Variants in SLC25A26 observed in about 807,000 individuals in gnomAD.
The protein encoded by SLC25A26 is mitochondrial S-adenosylmethionine carrier protein.
In SLC25A26, 36 loss-of-function variants were observed where a neutral mutation model predicts 37.8. That is an observed-to-expected ratio of 0.95 (90% confidence interval 0.73 to 1.26). SLC25A26 has a LOEUF of 1.26. SLC25A26 is among the 50% of genes most tolerant of loss of function. The probability of loss-of-function intolerance (pLI) is 0.00; values close to 1 mark genes in which losing one functional copy is unlikely to be tolerated. For synonymous variants in SLC25A26, 129 were observed against 122.5 expected (o/e 1.05, Z -0.35); for missense variants, 390 against 331.1 (o/e 1.18, Z -1.38).
At chr3:66,156,560 G>A (rs1387587550) in intron 1 of SLC25A26, among the ~76,000 whole-genome samples, 2 of 152,184 alleles carry the variant, frequency 1.3e-5, no homozygotes, top group African/African-American at 4.8e-5. Context: ...TGCTTATAAA[G>A]AAGGGCATAA....
At chr3:66,321,506 T>C (rs1418739285) in intron 5 of SLC25A26, among the ~76,000 whole-genome samples, 1 of 152,144 alleles carries the variant, frequency 6.6e-6, no homozygotes, top group Non-Finnish European at 1.5e-5. Context: ...TGTATCTCTT[T>C]TACTTCTTTA....
intron 5 of SLC25A26, among the ~76,000 whole-genome samples, chr3:66,333,914 T>C (rs946822789): frequency 6.6e-6 from 1 of 152,232 alleles, no homozygotes; most frequent in African/African-American, 2.4e-5. Context: ...TCCATTTAGC[T>C]GTCTGCAGGT....
At chr3:66,163,759 T>C (rs1222309743) in intron 1 of SLC25A26, among the ~76,000 whole-genome samples, 1 of 152,218 alleles carries the variant, frequency 6.6e-6, no homozygotes, top group African/African-American at 2.4e-5. Flanking sequence ...CAAAGTCTGA[T>C]TGAGCCCCAA....
intron 1 of SLC25A26, among the ~76,000 whole-genome samples, chr3:66,146,856 C>G (rs1436665908): frequency 6.6e-6 from 1 of 152,066 alleles, no homozygotes; most frequent in Non-Finnish European, 1.5e-5. Flanking sequence ...CCACTATAGT[C>G]CATTACATCA....
Position 66,209,741 on chromosome 3 carries a change from G to GAT in SLC25A26, c.-353-10991_-353-10990dup, listed in dbSNP as rs1411695104. Among the ~76,000 whole-genome samples the GAT allele has an allele frequency of 4.1e-3, 528 of 129,770 alleles. 4 individuals are homozygous for GAT. The highest frequency in any genetic ancestry group is 0.014 in the African/African-American group (501 of 35,812). The allele number at this position is 129,770 out of a possible 152,430, so 85.1% of individuals were successfully genotyped here. On this transcript the variant is annotated intron_variant, in intron 1 of 10. Coordinates refer to the SLC25A26 transcript ENST00000676754. ...TATTTTATAGGTATATATTGGTATG[G>GAT]ATATATATATACAACTTTTATAGGT...
rs143469771 is a variant in SLC25A26, at chr3:66,308,733, G to A, written c.454-37631G>A. On this transcript the variant is annotated intron_variant, in intron 5 of 9. Transcript: ENST00000354883. ...GTTTATTGGGTGTTTTTAGCATGAA[G>A]GGGTGGTTAGCATGAAGGTGAATTT... is the stretch of plus-strand genomic sequence containing the variant. Among the ~76,000 whole-genome samples the A allele has an allele frequency of 4.9e-3, 742 of 152,228 alleles. 11 individuals are homozygous for A. Among genetic ancestry groups the A allele is most frequent in the African/African-American group, 0.013 (544 of 41,550 alleles).
intron 1 of SLC25A26, among the ~76,000 whole-genome samples, chr3:66,165,940 C>A (rs1354772330): frequency 6.6e-6 from 1 of 151,700 alleles, no homozygotes; most frequent in Non-Finnish European, 1.5e-5. Flanking sequence ...TCCCCACCAC[C>A]CCCATCCCAA....
At chr3:66,364,948 G>T (rs1341024631) in intron 7 of SLC25A26, among the ~76,000 whole-genome samples, 3 of 152,164 alleles carry the variant, frequency 2.0e-5, no homozygotes, top group African/African-American at 7.2e-5. Flanking sequence ...AAGATAAATA[G>T]ATTGCTTATT....
intron 2 of SLC25A26, among the ~76,000 whole-genome samples, chr3:66,239,589 C>T (rs2072469554): frequency 6.6e-6 from 1 of 152,204 alleles, no homozygotes. Flanking sequence ...GCATTAACTT[C>T]TTCAGCTTTA....
chr3:66,227,325 C>T (rs2071804310), intron 1 of SLC25A26, among the ~76,000 whole-genome samples: 1 of 152,148 alleles, frequency 6.6e-6, no homozygotes, highest in Non-Finnish European at 1.5e-5. Flanking sequence ...TTTTGTTTAA[C>T]TTTGTGTTAC....
chr3:66,363,599 A>C (rs193134322), intron 7 of SLC25A26, among the ~76,000 whole-genome samples: 43 of 152,330 alleles, frequency 2.8e-4, no homozygotes, highest in African/African-American at 9.6e-4. Flanking sequence ...AAAGCCTAAG[A>C]GAGAAGTATA....
intron 1 of SLC25A26, among the ~76,000 whole-genome samples, chr3:66,226,034 A>G (rs1487843929): frequency 6.6e-6 from 1 of 152,116 alleles, no homozygotes; most frequent in African/African-American, 2.4e-5. Context: ...CTTGTTACCC[A>G]TTCTGAAGTC....
At chr3:66,333,490 T>G (rs952785276) in intron 5 of SLC25A26, among the ~76,000 whole-genome samples, 3 of 152,228 alleles carry the variant, frequency 2.0e-5, no homozygotes, top group African/African-American at 4.8e-5. Flanking sequence ...TCTGCTGTAG[T>G]TAAATCTCCC....
At chr3:66,208,974 G>GTATATATA (rs1553655988) in intron 1 of SLC25A26, among the ~76,000 whole-genome samples, 2 of 83,130 alleles carry the variant, frequency 2.4e-5, no homozygotes, top group African/African-American at 1.1e-4. Context: ...ATAAAGGTGT[G>GTATATATA]TATATATATA....
At chr3:66,242,028 G>A (rs961804886) in intron 2 of SLC25A26, among the ~76,000 whole-genome samples, 5 of 152,094 alleles carry the variant, frequency 3.3e-5, no homozygotes, top group African/African-American at 1.2e-4. Flanking sequence ...GACATTTGCA[G>A]TTAGTAGAGG....
chr3:66,218,568 T>C (rs2071395593), upstream of SLC25A26, among the ~76,000 whole-genome samples: 1 of 152,210 alleles, frequency 6.6e-6, no homozygotes. Context: ...CATCTTCCGG[T>C]ATTTAGGCTT....
At chr3:66,250,512 A>G (rs139398901) in intron 3 of SLC25A26, among the ~76,000 whole-genome samples, 2 of 152,244 alleles carry the variant, frequency 1.3e-5, no homozygotes, top group East Asian at 3.8e-4. Context: ...GTGATAGGTG[A>G]TAAGATGCTC....
At chr3:66,263,497 A>G (rs2073615880) in intron 5 of SLC25A26, 118 bp downstream of exon 5, 2 of 696,224 alleles carry the variant, frequency 2.9e-6, no homozygotes, top group South Asian at 3.6e-5. Flanking sequence ...AAAATCAAAA[A>G]GGGAAATTAT....
At chr3:66,328,241 G>A (rs1461425689) in intron 5 of SLC25A26, among the ~76,000 whole-genome samples, 1 of 152,138 alleles carries the variant, frequency 6.6e-6, no homozygotes, top group Non-Finnish European at 1.5e-5. Context: ...GTCCTATCAA[G>A]ATGCAAATTC....
Sources: gnomAD v4.1 joint callset for allele counts (sites outside exome capture counted in the v4.1 genomes callset) on GRCh38, gnomAD v4.1.1 for gene constraint, MANE v1.5 for transcripts, NCBI Gene and HGNC (gene_info 2026-07-23, HGNC 2026-07-21) for gene names.